The following MACROD1 variants were observed in gnomAD, a reference collection of about 807,000 sequenced individuals.
MACROD1 encodes the protein mono-ADP ribosylhydrolase 1.
In MACROD1, 31 loss-of-function variants were observed where a neutral mutation model predicts 41.4. The ratio of observed to expected loss-of-function variants is 0.75; its 90% CI spans 0.56 to 1.01. The LOEUF (loss-of-function observed/expected upper bound fraction) is 1.01, where lower values mean the gene tolerates loss of function less well. Among genes scored for constraint, MACROD1 ranks in the 50% least tolerant of loss-of-function variants. The pLI is 0.00. For missense variants in MACROD1, 473 were observed against 460.0 expected, an observed-to-expected ratio of 1.03 and a Z score of -0.26; for synonymous variants, 252 against 203.4, an observed-to-expected ratio of 1.24 and a Z score of -2.03.
chr11:63,999,904 C>T (rs918098789), intron 5 of MACROD1, 141 bp from the exon 6 acceptor site: 9 of 983,334 alleles, frequency 9.2e-6, no homozygotes, highest in Non-Finnish European at 1.3e-5. Flanking sequence ...GGCCCCCACC[C>T]CTGTGGGCCC....
At chr11:64,127,817 A>T (rs1945208855) in intron 3 of MACROD1, among the ~76,000 whole-genome samples, 1 of 151,872 alleles carries the variant, frequency 6.6e-6, no homozygotes, top group Non-Finnish European at 1.5e-5. Flanking sequence ...ACCACCCCAG[A>T]CGCCCCCCAT....
At chr11:64,059,238 G>A (rs1013259752) in intron 3 of MACROD1, among the ~76,000 whole-genome samples, 2 of 152,200 alleles carry the variant, frequency 1.3e-5, no homozygotes, top group African/African-American at 2.4e-5. Context: ...TCCTCTTGCC[G>A]AGCGGGGAAA....
chr11:64,012,171 C>T (rs1401965765), intron 4 of MACROD1, among the ~76,000 whole-genome samples: 3 of 152,196 alleles, frequency 2.0e-5, no homozygotes, highest in African/African-American at 7.2e-5. Flanking sequence ...GAGGCCTGTG[C>T]CAGCCGCTCC....
chr11:64,083,832 G>A (rs1479847031), intron 3 of MACROD1, among the ~76,000 whole-genome samples: 1 of 152,216 alleles, frequency 6.6e-6, no homozygotes, highest in African/African-American at 2.4e-5. Context: ...CAGACCGACG[G>A]ATCTGCCAGG....
rs117416709 is a variant in MACROD1, at chr11:64,115,781, A to G, written c.517+35458T>C. On this transcript the variant is annotated intron_variant, in intron 3 of 10. Coordinates refer to ENST00000255681, the MANE Select transcript of MACROD1 (RefSeq NM_014067.4). ...CAGTGCCAGGGAAACAGCAGCTATGAATCCATAAAACACGCCCTAAATCCA... is the reference window on the plus strand; with the variant it reads ...CAGTGCCAGGGAAACAGCAGCTATGGATCCATAAAACACGCCCTAAATCCA... 4.1e-4 allele frequency among the ~76,000 whole-genome samples: 63 copies of G among 152,342 alleles called. 1 individual carries two copies. The East Asian group carries it at 0.011, about 28-fold the overall frequency.
rs914995407 is a variant in MACROD1 at position 64,117,534 on chromosome 11, G to A, written c.517+33705C>T. ...CAAAAGGCCAGGGCTGCGCCTCCCC[G>A]ACTCCAACATTGACTACCCCATGGC... On this transcript the variant is annotated intron_variant, in intron 3 of 10. Coordinates refer to ENST00000255681, the MANE Select transcript of MACROD1 (RefSeq NM_014067.4). 1.7e-5 allele frequency: 27 copies of A among 1,602,522 alleles called. No homozygotes were observed. The highest frequency in any genetic ancestry group is 1.5e-4 in the African/African-American group (11 of 74,696).
At position 64,151,290 on chromosome 11, in the gene MACROD1, G is replaced by C. The variant is rs146655044; in HGVS notation, c.466C>G (p.Leu156Val). The change falls in exon 3 of 11, where the codon CTG becomes GTG. Residue 156 changes from leucine (L) to valine (V), a missense_variant. Leu to Val is a conservative substitution (Grantham distance 32). Coordinates refer to ENST00000255681, the MANE Select transcript of MACROD1 (RefSeq NM_014067.4). ...AGCTTGGTGATGTCGCTGCGGAGCAGGGAGATTTTCTCATTGAGCTGCTTG... is the reference window on the plus strand; with the variant it reads ...AGCTTGGTGATGTCGCTGCGGAGCACGGAGATTTTCTCATTGAGCTGCTTG... ...KDKQLNEKIS[L>V]LRSDITKLEV... The C allele has an allele frequency of 6.2e-7, 1 of 1,613,864 alleles. No homozygotes were observed. The highest frequency in any genetic ancestry group is 8.5e-7 in the Non-Finnish European group (1 of 1,180,046).
chr11:64,074,307 C>T (rs1042086257), intron 3 of MACROD1, among the ~76,000 whole-genome samples: 1 of 152,188 alleles, frequency 6.6e-6, no homozygotes. Flanking sequence ...TCCTAGCTGC[C>T]GAGCTCCTAT....
intron 3 of MACROD1, among the ~76,000 whole-genome samples, chr11:64,049,555 G>A (rs9666077): frequency 6.6e-6 from 1 of 152,144 alleles, no homozygotes; most frequent in Non-Finnish European, 1.5e-5. Context: ...CTTGGTCTCC[G>A]AGCTCAGCTG....
chr11:64,093,745 C>A (rs1944530017), intron 3 of MACROD1, among the ~76,000 whole-genome samples: 2 of 152,218 alleles, frequency 1.3e-5, no homozygotes, highest in Admixed American at 1.3e-4. Flanking sequence ...TGTAGTGTGG[C>A]TGTGTGTCTC....
chr11:64,058,245 C>T (rs1213095994), intron 3 of MACROD1, among the ~76,000 whole-genome samples: 1 of 152,240 alleles, frequency 6.6e-6, no homozygotes, highest in African/African-American at 2.4e-5. Context: ...GTAACCTGCT[C>T]CTGCCCCGAG....
chr11:64,089,252 G>C (rs1047094307), intron 3 of MACROD1, among the ~76,000 whole-genome samples: 4 of 152,322 alleles, frequency 2.6e-5, no homozygotes, highest in South Asian at 2.1e-4. Context: ...GGCTCTGGGT[G>C]GGGGAGCAGG....
intron 3 of MACROD1, among the ~76,000 whole-genome samples, chr11:64,086,288 G>A (rs1272635311): frequency 6.6e-6 from 1 of 151,968 alleles, no homozygotes; most frequent in Non-Finnish European, 1.5e-5. Flanking sequence ...TGTGGTTTTA[G>A]GAGGCGTAAA....
At chr11:64,124,603 G>A (rs762832077) in intron 3 of MACROD1, among the ~76,000 whole-genome samples, 1 of 152,068 alleles carries the variant, frequency 6.6e-6, no homozygotes. Flanking sequence ...CCAAAAGTGG[G>A]GGTCAGGCCC....
chr11:64,037,869 A>G (rs1237158438), intron 3 of MACROD1, among the ~76,000 whole-genome samples: 2 of 152,212 alleles, frequency 1.3e-5, no homozygotes, highest in Non-Finnish European at 2.9e-5. Context: ...CTTGTTGGTA[A>G]AATGGGATTG....
At chr11:64,049,066 G>T in intron 3 of MACROD1, among the ~76,000 whole-genome samples, 1 of 152,344 alleles carries the variant, frequency 6.6e-6, no homozygotes, top group South Asian at 2.1e-4. Flanking sequence ...TGTCCTTCAG[G>T]GGGTGGGGCC....
chr11:64,115,843 AT>A (rs1316268145), intron 3 of MACROD1, among the ~76,000 whole-genome samples: 9 of 152,372 alleles, frequency 5.9e-5, no homozygotes, highest in African/African-American at 2.2e-4. Context: ...AGCGTTGGCC[AT>A]AAAGTGGCTT....
intron 3 of MACROD1, among the ~76,000 whole-genome samples, chr11:64,032,221 T>A (rs921164147): frequency 6.6e-6 from 1 of 152,244 alleles, no homozygotes; most frequent in Non-Finnish European, 1.5e-5. Flanking sequence ...CCAGCTTTAG[T>A]TGACCACAGT....
At chr11:64,060,937 CGCG>C (rs544654619) in intron 3 of MACROD1, among the ~76,000 whole-genome samples, 6 of 151,368 alleles carry the variant, frequency 4.0e-5, no homozygotes, top group Admixed American at 6.6e-5. Context: ...GCATGCGCAC[CGCG>C]GCGGCGGCGG....
Sources: allele counts gnomAD v4.1 joint callset (sites outside exome capture counted in the v4.1 genomes callset), GRCh38; gene constraint gnomAD v4.1.1; transcripts MANE v1.5; gene names NCBI Gene and HGNC (gene_info 2026-07-23, HGNC 2026-07-21).